Variants in C3orf22 observed in about 807,000 individuals in gnomAD.
The protein encoded by C3orf22 is chromosome 3 open reading frame 22, also known as uncharacterized protein C3orf22.
In C3orf22, 7 loss-of-function variants were observed where a neutral mutation model predicts 10.8. The ratio of observed to expected loss-of-function variants is 0.65; its 90% CI spans 0.37 to 1.22. The LOEUF (loss-of-function observed/expected upper bound fraction) is 1.22. Ranked by LOEUF, C3orf22 falls within the 50% of genes most tolerant of loss-of-function variation. The pLI is 0.02. For synonymous variants in C3orf22, 79 were observed against 78.9 expected, an observed-to-expected ratio of 1.00 and a Z score of 0.00; for missense variants, 173 against 177.0, an observed-to-expected ratio of 0.98 and a Z score of 0.13.
downstream of C3orf22, among the ~76,000 whole-genome samples, chr3:126,548,957 C>A (rs1383594636): frequency 6.6e-6 from 1 of 152,148 alleles, no homozygotes; most frequent in Non-Finnish European, 1.5e-5. Context: ...ATTCACCCTC[C>A]CAAGGAACTC....
At chr3:126,537,365 A>G (rs1936818855) in intron 4 of C3orf22, among the ~76,000 whole-genome samples, 1 of 152,212 alleles carries the variant, frequency 6.6e-6, no homozygotes, top group Admixed American at 6.5e-5. Context: ...CAGGTGTGCA[A>G]GGGTAGCGGG....
intron 3 of C3orf22, among the ~76,000 whole-genome samples, chr3:126,551,211 T>G (rs1219960107): frequency 6.6e-6 from 1 of 152,086 alleles, no homozygotes; most frequent in Non-Finnish European, 1.5e-5. Flanking sequence ...TGACAGGCAC[T>G]ATATCAAACA....
intron 4 of C3orf22, chr3:126,542,418 C>G: frequency 6.4e-7 from 1 of 1,553,974 alleles, no homozygotes; most frequent in East Asian, 2.5e-5. Context: ...CTGAGCTTCC[C>G]TGGGCCGCCG....
intron 1 of C3orf22, among the ~76,000 whole-genome samples, chr3:126,553,940 G>T (rs1449606832): frequency 6.6e-6 from 1 of 152,216 alleles, no homozygotes; most frequent in Non-Finnish European, 1.5e-5. Flanking sequence ...ATATTCAGAT[G>T]TAAGTTTTTG....
intron 1 of C3orf22, among the ~76,000 whole-genome samples, chr3:126,556,985 T>G (rs1937359877): frequency 7.3e-6 from 1 of 137,266 alleles, no homozygotes; most frequent in African/African-American, 2.8e-5. Context: ...TACACACACA[T>G]ACAGACACAT....
At chr3:126,547,262 A>G (rs1937084181), downstream of C3orf22, among the ~76,000 whole-genome samples, 1 of 152,224 alleles carries the variant, frequency 6.6e-6, no homozygotes, top group South Asian at 2.1e-4. Flanking sequence ...TTTATGGAGT[A>G]GCTGTGCTTA....
intron 4 of C3orf22, among the ~76,000 whole-genome samples, chr3:126,536,896 AAC>A (rs10670471): frequency 0.15 from 20,934 of 140,030 alleles, 1,829 homozygotes; most frequent in African/African-American, 0.27. Flanking sequence ...CACACACACA[AAC>A]ACACACACAC....
chr3:126,546,548 T>C (rs1480662741), downstream of C3orf22, among the ~76,000 whole-genome samples: 1 of 151,516 alleles, frequency 6.6e-6, no homozygotes, highest in Non-Finnish European at 1.5e-5. Flanking sequence ...ACTGGAGAGT[T>C]CTCTCTCTCT....
In C3orf22 at chr3:126,538,459, TC is replaced by T. The variant is rs759294677; in HGVS notation, c.287-9088del. ...CGCCTCAGGCAGAGCCAGGCCACAT[TC>T]CCCCCGAACCCCCGGACCCAGTGCT... On this transcript the variant is annotated intron_variant and NMD_transcript_variant, in intron 4 of 5. Coordinates refer to the C3orf22 transcript ENST00000505070. Among the ~76,000 whole-genome samples the T allele has an allele frequency of 2.6e-5, 4 of 151,820 alleles. No individual in the cohort carries two copies. The East Asian group carries it at 7.7e-4, about 29-fold the overall frequency.
chr3:126,557,166 A>C (rs76604960), intron 1 of C3orf22, among the ~76,000 whole-genome samples: 2 of 152,066 alleles, frequency 1.3e-5, no homozygotes, highest in Non-Finnish European at 2.9e-5. Flanking sequence ...ACACACCCCC[A>C]CACACAGGCA....
chr3:126,536,896 A>AAC (rs10670471), intron 4 of C3orf22, among the ~76,000 whole-genome samples: 31,468 of 140,252 alleles, frequency 0.22, 3,442 homozygotes, highest in Admixed American at 0.27. Context: ...CACACACACA[A>AAC]ACACACACAC....
chr3:126,529,507 T>G (rs1936605812), intron 4 of C3orf22: 1 of 713,800 alleles, frequency 1.4e-6, no homozygotes. Flanking sequence ...GCAAGGAAGC[T>G]GTGAGGCCTC....
chr3:126,536,389 C>G (rs1204577768), intron 4 of C3orf22: 2 of 1,540,372 alleles, frequency 1.3e-6, no homozygotes, highest in South Asian at 2.3e-5. Flanking sequence ...GCATGCCCCC[C>G]TCCATCCCAG....
In C3orf22 at chr3:126,542,120, C is replaced by G. The variant is rs1287859275; in HGVS notation, c.286+7417G>C. 20 of 1,576,708 alleles carry G rather than the reference C, an allele frequency of 1.3e-5. No individual in the cohort carries two copies. The highest frequency in any genetic ancestry group is 1.5e-5 in the Non-Finnish European group (18 of 1,166,062). On this transcript the variant is annotated intron_variant and NMD_transcript_variant, in intron 4 of 5. Coordinates refer to the C3orf22 transcript ENST00000505070. ...ATCGGCTTACCGCAACAAGCTCGCG[C>G]GCCCCTACAGCGCCGCCTTCCAGAG...
intron 4 of C3orf22, among the ~76,000 whole-genome samples, chr3:126,534,393 A>G (rs1936719737): frequency 8.3e-6 from 1 of 120,178 alleles, no homozygotes; most frequent in South Asian, 2.3e-4. Flanking sequence ...CAGCAAGGAG[A>G]CAGACAGACA....
intron 1 of C3orf22, among the ~76,000 whole-genome samples, chr3:126,553,982 T>C (rs1937265102): frequency 6.6e-6 from 1 of 152,206 alleles, no homozygotes; most frequent in African/African-American, 2.4e-5. Flanking sequence ...CTCTGAGATA[T>C]ATTGCTGGGT....
rs1261099037 is a variant in C3orf22, at chr3:126,549,913, G to A, written c.381C>T (p.Cys127=). ...LLSTRHTEAA[C]PQTSKAAGLS... is the part of the protein sequence containing the mutation. ...GCCCTGCCGCCTTGCTGGTCTGGGG[G>A]CAGGCAGCCTCAGTGTGCCGGGTGG... The change falls in exon 4 of 4, where the codon TGC becomes TGT. Residue 127 remains cysteine (C), a synonymous_variant. Transcript: ENST00000318225. 4 of 1,614,104 alleles carry A rather than the reference G, an allele frequency of 2.5e-6. No homozygotes were observed. In the South Asian group the frequency reaches 3.3e-5, roughly 13 times the overall value.
intron 2 of C3orf22, among the ~76,000 whole-genome samples, chr3:126,552,581 G>A (rs1298400164): frequency 6.6e-6 from 1 of 152,186 alleles, no homozygotes. Context: ...CCCGGCACAG[G>A]GACACAGCAT....
At chr3:126,536,367 C>T in intron 4 of C3orf22, 1 of 1,606,790 alleles carries the variant, frequency 6.2e-7, no homozygotes, top group Non-Finnish European at 8.5e-7. Flanking sequence ...GGTGGACAGA[C>T]CCTCGACCCA....
Sources: allele counts gnomAD v4.1 joint callset (sites outside exome capture counted in the v4.1 genomes callset), GRCh38; gene constraint gnomAD v4.1.1; transcripts MANE v1.5; gene names NCBI Gene and HGNC (gene_info 2026-07-23, HGNC 2026-07-21).